Variants in ZNF462 observed in about 807,000 individuals in gnomAD.
ZNF462 encodes zinc finger PBX1-interacting protein.
In ZNF462, 10 loss-of-function variants were observed where a neutral mutation model predicts 201.9. That is an observed-to-expected ratio of 0.05 (90% CI 0.03 to 0.08). ZNF462 has a LOEUF of 0.08. Ranked by LOEUF, ZNF462 falls within the 10% of genes least tolerant of loss-of-function variation. ZNF462 has a pLI of 1.00. For missense variants in ZNF462, 2,523 were observed against 3,168.3 expected, an observed-to-expected ratio of 0.80 and a Z score of 4.89; for synonymous variants, 1,227 against 1,193.3, an observed-to-expected ratio of 1.03 and a Z score of -0.58.
At chr9:106,997,049 G>C (rs1169478529) in intron 10 of ZNF462, among the ~76,000 whole-genome samples, 1 of 152,066 alleles carries the variant, frequency 6.6e-6, no homozygotes, top group Non-Finnish European at 1.5e-5. Context: ...TCATGGCTCA[G>C]GTTCCATAGA....
chr9:106,881,126 T>G (rs1344845915), intron 1 of ZNF462, among the ~76,000 whole-genome samples: 1 of 152,196 alleles, frequency 6.6e-6, no homozygotes, highest in Non-Finnish European at 1.5e-5. Context: ...GAGTTCATCT[T>G]GCTTCGTATC....
intron 10 of ZNF462, among the ~76,000 whole-genome samples, chr9:106,998,058 C>A (rs1010532972): frequency 6.6e-6 from 1 of 152,104 alleles, no homozygotes; most frequent in Non-Finnish European, 1.5e-5. Flanking sequence ...ACTTATCTGG[C>A]CCTTTACACA....
intron 7 of ZNF462, among the ~76,000 whole-genome samples, chr9:106,947,870 C>G (rs1055248821): frequency 6.6e-6 from 1 of 152,098 alleles, no homozygotes. Context: ...TCTGTGGGCT[C>G]TGGAATCTTC....
At chr9:106,986,864 GT>G (rs1405605107) in intron 10 of ZNF462, among the ~76,000 whole-genome samples, 1 of 152,050 alleles carries the variant, frequency 6.6e-6, no homozygotes, top group African/African-American at 2.4e-5. Flanking sequence ...AACATACCAT[GT>G]TTGGTTTTCC....
At chr9:106,975,024 C>T (rs1188904725) in intron 9 of ZNF462, 1 of 152,156 alleles carries the variant, frequency 6.6e-6, no homozygotes, top group Non-Finnish European at 1.5e-5. Flanking sequence ...GTTGCATTTA[C>T]CCTTGGCCAA....
At chr9:107,007,464 G>C (rs184656429) in intron 11 of ZNF462, among the ~76,000 whole-genome samples, 1 of 152,234 alleles carries the variant, frequency 6.6e-6, no homozygotes, top group Admixed American at 6.5e-5. Flanking sequence ...TTACCACATG[G>C]GGGAACAAAA....
intron 1 of ZNF462, among the ~76,000 whole-genome samples, chr9:106,911,003 T>G (rs1191132010): frequency 6.6e-6 from 1 of 152,176 alleles, no homozygotes; most frequent in Admixed American, 6.5e-5. Context: ...TTTACCCAAC[T>G]CTTAGTATTT....
At chr9:106,888,191 GCCA>G (rs1828411853) in intron 1 of ZNF462, among the ~76,000 whole-genome samples, 2 of 152,060 alleles carry the variant, frequency 1.3e-5, no homozygotes, top group Non-Finnish European at 2.9e-5. Flanking sequence ...ACAGGCGCCC[GCCA>G]CCGCGCCCGG....
chr9:106,964,469 C>T (rs1202214619), intron 7 of ZNF462, among the ~76,000 whole-genome samples: 3 of 152,058 alleles, frequency 2.0e-5, no homozygotes, highest in African/African-American at 7.2e-5. Context: ...ATTTGAATCT[C>T]GTTCCTTTGA....
At chr9:106,911,101 A>C (rs1829532080) in intron 1 of ZNF462, among the ~76,000 whole-genome samples, 1 of 152,098 alleles carries the variant, frequency 6.6e-6, no homozygotes, top group African/African-American at 2.4e-5. Context: ...ACCCTTCTGA[A>C]GTTTTTAAGG....
At chr9:106,908,927 ATATATATATATATATTTTTTTTTTTTTTT>A (rs1829401611) in intron 1 of ZNF462, among the ~76,000 whole-genome samples, 1 of 27,538 alleles carries the variant, frequency 3.6e-5, no homozygotes, top group African/African-American at 2.4e-4. Flanking sequence ...ATATATATAT[ATATATATATATATATTTTTTTTTTTTTTT>A]TTTTTTTTTT....
At chr9:106,903,802 T>C (rs995839873) in intron 1 of ZNF462, among the ~76,000 whole-genome samples, 24 of 152,178 alleles carry the variant, frequency 1.6e-4, no homozygotes, top group African/African-American at 5.1e-4. Context: ...TTTAAATTTA[T>C]GTAAGTCCTT....
intron 9 of ZNF462, chr9:106,979,582 G>T (rs934020147): frequency 6.6e-6 from 1 of 151,450 alleles, no homozygotes; most frequent in Non-Finnish European, 1.5e-5. Context: ...GAAAGCTCTA[G>T]CATTGTTTTA....
rs936201351 is a variant in ZNF462, at chr9:106,920,523, C to A, written c.-30-2831C>A. Among the ~76,000 whole-genome samples the A allele has an allele frequency of 6.6e-6, 1 of 152,232 alleles. No homozygotes were observed. Among genetic ancestry groups the A allele is most frequent in the Non-Finnish European group, 1.5e-5 (1 of 68,046 alleles). On this transcript the variant is annotated intron_variant, in intron 1 of 12. Transcript: ENST00000277225. This position sits in a 1 kb window ranked among gnomAD's most constrained non-coding sequence, Gnocchi z 4.3. ...CTCTCAGCGGCCTGGAGATTAACCT[C>A]TTCTAAGGCTCTGAGCTATTTTTGA...
chr9:106,966,988 C>T lies in ZNF462; in HGVS notation c.6428-5017C>T, dbSNP rs78926643. On this transcript the variant is annotated intron_variant, in intron 7 of 12. Transcript: ENST00000277225. This position sits in a 1 kb window ranked among gnomAD's most constrained non-coding sequence, Gnocchi z 4.4. The stretch of plus-strand genomic sequence containing the variant: ...AATTGATCCTCTGGTATAGCTTCCT[C>T]TTTGTATCACTTAGAGCATGCAAGG... Among the ~76,000 whole-genome samples the T allele has an allele frequency of 6.6e-6, 1 of 152,222 alleles. No homozygotes were observed. Among genetic ancestry groups the T allele is most frequent in the South Asian group, 2.1e-4 (1 of 4,824 alleles).
Position 106,929,812 on chromosome 9 carries a change from C to A in ZNF462, c.5847+53C>A. 6.7e-7 allele frequency: 1 copy of A among 1,486,000 alleles called. No individual in the cohort carries two copies. The highest frequency in any genetic ancestry group is 9.1e-7 in the Non-Finnish European group (1 of 1,095,368). The allele number at this position is 1,486,000 out of a possible 1,614,324, so 92.1% of individuals were successfully genotyped here. A position where few individuals can be genotyped will look rare whatever the true frequency, so the allele number is the denominator to read the frequency against. On this transcript the variant is annotated intron_variant, in intron 3 of 12. Coordinates refer to ENST00000277225, the MANE Select transcript of ZNF462 (RefSeq NM_021224.6). This position sits in a 1 kb window ranked among gnomAD's most constrained non-coding sequence, Gnocchi z 8.7. ...CCCAGGAGGCCTCTCATCACTGGTG[C>A]CCACATGCACTTCTTCGTTGCCAGC...
At chr9:106,997,812 T>G (rs1041416328) in intron 10 of ZNF462, among the ~76,000 whole-genome samples, 2 of 152,152 alleles carry the variant, frequency 1.3e-5, no homozygotes, top group Admixed American at 6.5e-5. Context: ...TCCACCTCCT[T>G]TTTTATATGG....
chr9:106,990,023 G>C (rs1828147145), intron 10 of ZNF462, among the ~76,000 whole-genome samples: 1 of 150,894 alleles, frequency 6.6e-6, no homozygotes, highest in Non-Finnish European at 1.5e-5. Context: ...ATTGTTTTTT[G>C]TTTGTTTGTT....
intron 1 of ZNF462, among the ~76,000 whole-genome samples, chr9:106,900,203 CGTGTGTGTGTGTGTGTGTGTGTGT>C (rs3056258): frequency 3.7e-5 from 5 of 134,652 alleles, no homozygotes; most frequent in Admixed American, 7.6e-5. Flanking sequence ...AGTATTCCAT[CGTGTGTGTGTGTGTGTGTGTGTGT>C]GTGTGTGTGT....
Sources: allele counts gnomAD v4.1 joint callset (sites outside exome capture counted in the v4.1 genomes callset), GRCh38; gene constraint gnomAD v4.1.1; non-coding constraint Gnocchi (gnomAD v3.1); transcripts MANE v1.5; gene names NCBI Gene and HGNC (gene_info 2026-07-23, HGNC 2026-07-21).